The following ZMYM2 variants were observed in gnomAD, a reference collection of about 807,000 sequenced individuals.
ZMYM2 encodes the protein zinc finger MYM-type containing 2.
Under a neutral mutation model 162.8 loss-of-function variants are expected in ZMYM2, and 56 were observed. That is an observed-to-expected ratio of 0.34 (90% CI 0.28 to 0.43). The LOEUF is 0.43. Ranked by LOEUF, ZMYM2 falls within the 20% of genes least tolerant of loss-of-function variation. ZMYM2 has a pLI of 1.00. For synonymous variants in ZMYM2, 510 were observed against 541.6 expected (o/e 0.94, Z 0.81); for missense variants, 1,275 against 1,621.8 (o/e 0.79, Z 3.67).
the ZMYM2 span, among the ~76,000 whole-genome samples, chr13:19,918,555 G>C: frequency 7.6e-6 from 1 of 132,106 alleles, no homozygotes; most frequent in Non-Finnish European, 1.5e-5. Flanking sequence ...CTGGAGTGCA[G>C]TGGCATGATC....
At chr13:20,023,162 A>T (rs2140214260) in intron 7 of ZMYM2, among the ~76,000 whole-genome samples, 1 of 152,306 alleles carries the variant, frequency 6.6e-6, no homozygotes, top group Admixed American at 6.5e-5. Flanking sequence ...CTCCAATCAG[A>T]GTGAAAGAGA....
At chr13:20,064,300 T>G (rs1956502970) in intron 18 of ZMYM2, 151 bp from the exon 19 acceptor site, 2 of 450,476 alleles carry the variant, frequency 4.4e-6, no homozygotes, top group South Asian at 1.3e-4. Flanking sequence ...CAAACCATGT[T>G]AGGTACAATG....
rs571056115 is a variant in ZMYM2, at chr13:20,067,753, C to A, written c.3453+363C>A. Among the ~76,000 whole-genome samples, 8 of 152,218 alleles carry A rather than the reference C, an allele frequency of 5.3e-5. No homozygotes were observed. In the South Asian group the frequency reaches 1.5e-3, roughly 28 times the overall value. On this transcript the variant is annotated intron_variant, in intron 21 of 24. Transcript: ENST00000610343. ...CTACTCATTAATTCTTTGGCTATTT[C>A]ATAAAAAGAGATCATTCTTTAGGGG... is the stretch of plus-strand genomic sequence containing the variant.
intron 2 of ZMYM2, among the ~76,000 whole-genome samples, chr13:19,972,916 G>T (rs1470569468): frequency 6.7e-6 from 1 of 149,708 alleles, no homozygotes; most frequent in African/African-American, 2.4e-5. Flanking sequence ...TACATATATA[G>T]ATATATATAT....
intron 19 of ZMYM2, 70 bp downstream of exon 19, chr13:20,064,615 T>C: frequency 1.6e-6 from 2 of 1,220,116 alleles, no homozygotes. Flanking sequence ...GTTCTTTTAG[T>C]GTGCCTGAGA....
intron 15 of ZMYM2, 187 bp downstream of exon 15, chr13:20,058,891 A>T: frequency 1.2e-6 from 1 of 808,874 alleles, no homozygotes; most frequent in Non-Finnish European, 2.1e-6. Context: ...AATCATTATG[A>T]TCAATCTCTG....
chr13:19,954,151 C>T (rs1214513617), upstream of ZMYM2, among the ~76,000 whole-genome samples: 5 of 6,546 alleles, frequency 7.6e-4, no homozygotes, highest in Non-Finnish European at 4.2e-3. Flanking sequence ...TTTTTTTAGA[C>T]GGAGTCTCAC....
the ZMYM2 span, among the ~76,000 whole-genome samples, chr13:19,876,194 T>G: frequency 6.6e-6 from 1 of 151,886 alleles, no homozygotes; most frequent in African/African-American, 2.4e-5. Flanking sequence ...GCCCCACTAA[T>G]TTTTGTATTT....
chr13:20,081,350 TTA>T (rs1332182042), intron 21 of ZMYM2, among the ~76,000 whole-genome samples: 3 of 152,226 alleles, frequency 2.0e-5, no homozygotes, highest in Non-Finnish European at 4.4e-5. Context: ...TCATATAATT[TTA>T]TGTTATTTTC....
intron 2 of ZMYM2, among the ~76,000 whole-genome samples, chr13:19,974,324 T>C (rs890287242): frequency 7.2e-5 from 11 of 152,220 alleles, no homozygotes; most frequent in South Asian, 2.1e-4. Context: ...TGGTTGATCC[T>C]TATTAGCATG....
chr13:19,889,708 C>T, the ZMYM2 span, among the ~76,000 whole-genome samples: 1 of 151,774 alleles, frequency 6.6e-6, no homozygotes, highest in Non-Finnish European at 1.5e-5. Context: ...TTGGTGGTAC[C>T]TGCTGGTGTT....
chr13:20,079,769 G>C (rs895384825), intron 21 of ZMYM2, among the ~76,000 whole-genome samples: 1 of 152,172 alleles, frequency 6.6e-6, no homozygotes, highest in Admixed American at 6.5e-5. Flanking sequence ...GCTTTTAGTA[G>C]AGCTGAGTTG....
chr13:20,010,135 C>G (rs1431144992), intron 6 of ZMYM2, among the ~76,000 whole-genome samples: 1 of 152,104 alleles, frequency 6.6e-6, no homozygotes, highest in Non-Finnish European at 1.5e-5. Flanking sequence ...GGTGGTATCT[C>G]ATGGTTTTGA....
intron 2 of ZMYM2, among the ~76,000 whole-genome samples, chr13:19,970,794 A>T (rs563422228): frequency 6.6e-6 from 1 of 152,252 alleles, no homozygotes; most frequent in African/African-American, 2.4e-5. Context: ...CAACAAACAT[A>T]ACTACAAATT....
chr13:19,959,243 T>A (rs1242568672), intron 1 of ZMYM2, among the ~76,000 whole-genome samples: 2 of 149,994 alleles, frequency 1.3e-5, no homozygotes, highest in Admixed American at 1.3e-4. Flanking sequence ...GGCATTTTCC[T>A]TTCTCTCCGG....
At chr13:19,924,974 T>A in the ZMYM2 span, among the ~76,000 whole-genome samples, 1 of 151,322 alleles carries the variant, frequency 6.6e-6, no homozygotes, top group Non-Finnish European at 1.5e-5. Flanking sequence ...AACCTCGGCC[T>A]CCCAGGTTCA....
At chr13:20,066,258 A>G (rs1449341421) in intron 19 of ZMYM2, among the ~76,000 whole-genome samples, 4 of 152,214 alleles carry the variant, frequency 2.6e-5, no homozygotes, top group African/African-American at 7.2e-5. Flanking sequence ...CCGTTGTACA[A>G]TGCAGTGGTT....
intron 2 of ZMYM2, among the ~76,000 whole-genome samples, chr13:19,977,425 A>G (rs1276581074): frequency 6.6e-6 from 1 of 151,750 alleles, no homozygotes; most frequent in Non-Finnish European, 1.5e-5. Context: ...TGTCTAAGGT[A>G]AGTCTTCATA....
the ZMYM2 span, among the ~76,000 whole-genome samples, chr13:19,931,202 T>G: frequency 2.0e-5 from 3 of 151,856 alleles, no homozygotes; most frequent in African/African-American, 7.3e-5. Context: ...TTGTTAATAT[T>G]CTCTATTGTG....
Sources: allele counts gnomAD v4.1 joint callset (sites outside exome capture counted in the v4.1 genomes callset), GRCh38; gene constraint gnomAD v4.1.1; transcripts MANE v1.5; gene names NCBI Gene and HGNC (gene_info 2026-07-23, HGNC 2026-07-21).